The following KIR3DL1 variants were observed in gnomAD, a reference collection of about 807,000 sequenced individuals.
The protein encoded by KIR3DL1 is killer cell immunoglobulin like receptor, three Ig domains and long cytoplasmic tail 1, also known as killer cell immunoglobulin-like receptor 3DL1.
Under a neutral mutation model 40.3 loss-of-function variants are expected in KIR3DL1, and 50 were observed. That is an observed-to-expected ratio of 1.24 (90% confidence interval 0.99 to 1.57). KIR3DL1 has a LOEUF of 1.57. KIR3DL1 is among the 40% of genes most tolerant of loss of function. The pLI, the probability that KIR3DL1 is intolerant of heterozygous loss-of-function variation, is 0.00. For synonymous variants in KIR3DL1, 257 were observed against 207.2 expected, an observed-to-expected ratio of 1.24 and a Z score of -2.07; for missense variants, 661 against 559.9, an observed-to-expected ratio of 1.18 and a Z score of -1.82.
Position 54,821,802 on chromosome 19 carries a change from G to A in KIR3DL1, c.893G>A (p.Arg298His), listed in dbSNP as rs376811176. The change falls in exon 5 of 9, where the codon CGT becomes CAT. Residue 298 changes from arginine (R) to histidine (H), a missense_variant. Arg to His is a conservative substitution (Grantham distance 29). Coordinates refer to ENST00000391728, the Ensembl canonical transcript of KIR3DL1. ...ACCTACAGATGCTTCGGCTCTTTCC[G>A]TCACTCTCCCTACGAGTGGTCAGAC... 8.2e-5 allele frequency: 132 copies of A among 1,605,250 alleles called. 4 individuals carry two copies. The highest frequency in any genetic ancestry group is 7.5e-4 in the Admixed American group (45 of 59,702).
chr19:54,818,537 C>G lies in KIR3DL1; in HGVS notation c.293C>G (p.Ser98Ter). Residue 98 changes from serine to a stop codon, truncating the protein, a stop_gained, in exon 3 of 9, where the codon TCA (serine) becomes TGA (stop). Coordinates refer to ENST00000391728, the Ensembl canonical transcript of KIR3DL1. LOFTEE classifies it high-confidence loss of function. Reference sequence around the variant, plus strand: ...GCAGGGAACTACACATGTCGGGGTTCACACCCACACTCCCCCACTGGGTGG... The same window carrying G: ...GCAGGGAACTACACATGTCGGGGTTGACACCCACACTCCCCCACTGGGTGG... The G allele has an allele frequency of 1.2e-6, 2 of 1,611,666 alleles. No homozygotes were observed. The highest frequency in any genetic ancestry group is 2.2e-5 in the South Asian group (2 of 90,634).
chr19:54,825,504 C>G (rs528576882), intron 6 of KIR3DL1, among the ~76,000 whole-genome samples: 1 of 149,938 alleles, frequency 6.7e-6, no homozygotes, highest in African/African-American at 2.5e-5. Context: ...GCTGACTCAG[C>G]AGAGCAAGAG....
At chr19:54,825,991 C>T (rs1267590525) in intron 6 of KIR3DL1, among the ~76,000 whole-genome samples, 1 of 151,296 alleles carries the variant, frequency 6.6e-6, no homozygotes, top group Non-Finnish European at 1.5e-5. Context: ...AGATGAAAAT[C>T]CATCATAATC....
chr19:54,818,683 T>C lies in KIR3DL1; in HGVS notation c.355+84T>C. 5 of 1,527,294 alleles carry C rather than the reference T, an allele frequency of 3.3e-6. No individual in the cohort carries two copies. The South Asian group carries it at 5.0e-5, about 15-fold the overall frequency. 94.6% of individuals were successfully genotyped at this position (1,527,294 alleles called of 1,614,324 possible). ...GGTGGGGGTGTCCGTCAGGGTCCCA[T>C]CACCCAGGCCCTGACTGTATTTGGG... is the stretch of plus-strand genomic sequence containing the variant. On this transcript the variant is annotated intron_variant, in intron 3 of 8. Transcript: ENST00000391728.
In KIR3DL1 at chr19:54,828,474, C is replaced by T. The variant is rs2062024702; in HGVS notation, c.1001-887C>T. 2.0e-5 allele frequency among the ~76,000 whole-genome samples: 3 copies of T among 150,890 alleles called. No individual in the cohort carries two copies. The South Asian group carries it at 6.3e-4, about 32-fold the overall frequency. On this transcript the variant is annotated intron_variant, in intron 6 of 8. Coordinates refer to ENST00000391728, the Ensembl canonical transcript of KIR3DL1. ...AGGTTCATTACTAACAGATAAGCAG[C>T]GAGTGACAACAGAAGCCTACATTTC...
At chr19:54,817,403 G>C (rs1174454705) in intron 1 of KIR3DL1, 131 bp from the exon 2 acceptor site, 5 of 785,156 alleles carry the variant, frequency 6.4e-6, no homozygotes, top group Non-Finnish European at 1.1e-5. Context: ...CCTGGGGGCA[G>C]GTAGGCAGCG....
At chr19:54,825,604 G>C (rs752643365) in intron 6 of KIR3DL1, among the ~76,000 whole-genome samples, 4 of 149,190 alleles carry the variant, frequency 2.7e-5, no homozygotes, top group Admixed American at 1.3e-4. Context: ...CTGTGCAGTT[G>C]GAATCCTTTC....
chr19:54,821,003 A>AGATGATGAC (rs201015750), intron 4 of KIR3DL1, among the ~76,000 whole-genome samples: 1 of 150,062 alleles, frequency 6.7e-6, no homozygotes, highest in Admixed American at 6.7e-5. Context: ...TGATACATAG[A>AGATGATGAC]GATGACGATG....
At chr19:54,819,792 G>T in exon 4 of KIR3DL1, 1 of 1,611,638 alleles carries the variant, frequency 6.2e-7, no homozygotes, top group Non-Finnish European at 8.5e-7. Context: ...TGCAATGTTG[G>T]TCAGATATCA....
chr19:54,816,650 A>AAGTGGAGATCTGGGCCTGG (rs752223513), intron 1 of KIR3DL1, 116 bp downstream of exon 1: 72,712 of 1,156,636 alleles, frequency 0.063, 6,836 homozygotes, highest in African/African-American at 0.067. Context: ...TATGGGCCTG[A>AAGTGGAGATCTGGGCCTGG]AGTGGAGATC....
chr19:54,826,161 C>T (rs1222089793), intron 6 of KIR3DL1, among the ~76,000 whole-genome samples: 3 of 150,566 alleles, frequency 2.0e-5, no homozygotes, highest in African/African-American at 5.0e-5. Flanking sequence ...ATTCTCCTGC[C>T]TTCCACGAAC....
intron 6 of KIR3DL1, among the ~76,000 whole-genome samples, chr19:54,826,470 A>G (rs1305136808): frequency 7.1e-5 from 10 of 140,966 alleles, no homozygotes; most frequent in South Asian, 4.8e-4. Flanking sequence ...AACTGCCACC[A>G]TGCCCGGCTA....
At chr19:54,818,889 G>A (rs1871301931) in intron 3 of KIR3DL1, among the ~76,000 whole-genome samples, 1 of 150,656 alleles carries the variant, frequency 6.6e-6, no homozygotes, top group African/African-American at 2.5e-5. Flanking sequence ...AGACAGCCTG[G>A]ACTGTCCCAC....
exon 9 of KIR3DL1, chr19:54,830,634 T>G: frequency 1.3e-5 from 4 of 298,904 alleles, no homozygotes; most frequent in Non-Finnish European, 1.8e-5. Context: ...GACGTGGCAC[T>G]TACCCACGTG....
chr19:54,817,937 G>A (rs1285191090), intron 2 of KIR3DL1, among the ~76,000 whole-genome samples: 3 of 145,910 alleles, frequency 2.1e-5, no homozygotes, highest in South Asian at 4.4e-4. Context: ...CTTTCTACCA[G>A]AAAAGGTGAG....
In KIR3DL1 at chr19:54,819,737, T is replaced by A. The variant is rs781579173; in HGVS notation, c.380T>A (p.Leu127Gln). ...GGAAACCACAGAAAACCTTCCCTCC[T>A]GGCCCACCCAGGTCCCCTGGTGAAA... The change falls in exon 4 of 9, where the codon CTG becomes CAG. Residue 127 changes from leucine (L) to glutamine (Q), a missense_variant. This residue lies in a region of KIR3DL1 where 548 missense variants were observed against 413.3 expected (regional missense o/e 1.33). Coordinates refer to ENST00000391728, the Ensembl canonical transcript of KIR3DL1. The A allele has an allele frequency of 7.5e-5, 121 of 1,609,568 alleles. 11 individuals are homozygous for A. In the South Asian group the frequency reaches 1.2e-3, roughly 17 times the overall value.
At chr19:54,822,889 G>A (rs2061707574) in intron 5 of KIR3DL1, among the ~76,000 whole-genome samples, 1 of 144,474 alleles carries the variant, frequency 6.9e-6, no homozygotes, top group African/African-American at 2.6e-5. Context: ...CCACTGATGG[G>A]CAGGTAGGTT....
rs1299082621 is a variant in KIR3DL1, at chr19:54,827,434, A to G, written c.1001-1927A>G. Reference sequence around the variant, plus strand: ...GGAGAAACCCTATCTCTACATGGTGAAACCCTATCTCTCCTAAAAATACAA... The same window carrying G: ...GGAGAAACCCTATCTCTACATGGTGGAACCCTATCTCTCCTAAAAATACAA... On this transcript the variant is annotated intron_variant, in intron 6 of 8. Transcript: ENST00000391728. Among the ~76,000 whole-genome samples the G allele has an allele frequency of 1.9e-4, 28 of 143,626 alleles. 1 individual carries two copies. In the East Asian group the frequency reaches 5.6e-3, roughly 29 times the overall value. 94.2% of individuals were successfully genotyped at this position (143,626 alleles called of 152,430 possible).
chr19:54,821,463 A>G (rs1743731483), intron 4 of KIR3DL1, 102 bp from the exon 5 acceptor site: 1 of 1,325,310 alleles, frequency 7.5e-7, no homozygotes, highest in South Asian at 1.3e-5. Flanking sequence ...AGAGAGAGAG[A>G]GCATTAGGTC....
Sources: gnomAD v4.1 joint callset for allele counts (sites outside exome capture counted in the v4.1 genomes callset) on GRCh38, gnomAD v4.1.1 for gene constraint, gnomAD v4.1.1 regional missense constraint, MANE v1.5 for transcripts, NCBI Gene and HGNC (gene_info 2026-07-23, HGNC 2026-07-21) for gene names.